CENPP: variants seen among roughly 807,000 people sequenced by gnomAD.
The protein encoded by CENPP is centromere protein P.
In CENPP, 24 loss-of-function variants were observed where a neutral mutation model predicts 35.6. That is an observed-to-expected ratio of 0.67 (90% CI 0.49 to 0.95). The LOEUF is 0.95. Among genes scored for constraint, CENPP ranks in the 40% least tolerant of loss-of-function variants. The pLI is 0.00. For synonymous variants in CENPP, 120 were observed against 125.5 expected (o/e 0.96, Z 0.29); for missense variants, 332 against 345.3 (o/e 0.96, Z 0.31).
intron 5 of CENPP, chr9:92,464,948 G>C: frequency 1.2e-6 from 2 of 1,613,466 alleles, no homozygotes; most frequent in East Asian, 2.2e-5. Context: ...TTTTGCTTCT[G>C]CAATTCTGAT....
chr9:92,532,034 A>ATTTTTTTTTTTTTTTTTTTTTTTT (rs58499748), intron 5 of CENPP, among the ~76,000 whole-genome samples: 16 of 98,246 alleles, frequency 1.6e-4, no homozygotes, highest in African/African-American at 3.4e-4. Flanking sequence ...TTTTTATTTT[A>ATTTTTTTTTTTTTTTTTTTTTTTT]TTTTTTTTTT....
chr9:92,593,908 G>A lies in CENPP; in HGVS notation c.565-17406G>A, dbSNP rs1416021193. Among the ~76,000 whole-genome samples, 2 of 152,158 alleles carry A rather than the reference G, an allele frequency of 1.3e-5. No individual in the cohort carries two copies. The highest frequency in any genetic ancestry group is 6.5e-5 in the Admixed American group (1 of 15,278). On this transcript the variant is annotated intron_variant, in intron 5 of 7. Transcript: ENST00000375587. The surrounding 1 kb of genome is among the most constrained non-coding windows in gnomAD (Gnocchi z 4.1). ...AGGTACACTTTGCTACCTTTCTCAC[G>A]AATCTCAAAGGTAATATGATATCCT...
chr9:92,390,198 A>G (rs1259627788), intron 5 of CENPP: 3 of 573,444 alleles, frequency 5.2e-6, no homozygotes, highest in Non-Finnish European at 9.1e-6. Context: ...ATAGCCCAGT[A>G]AAGTTTTGTG....
At chr9:92,332,495 T>C in intron 2 of CENPP, 144 bp downstream of exon 2, 1 of 636,050 alleles carries the variant, frequency 1.6e-6, no homozygotes, top group South Asian at 2.8e-5. Context: ...CTCACATATC[T>C]TTTGAACATC....
At chr9:92,523,980 A>G (rs1848233532) in intron 5 of CENPP, among the ~76,000 whole-genome samples, 1 of 152,250 alleles carries the variant, frequency 6.6e-6, no homozygotes, top group African/African-American at 2.4e-5. Flanking sequence ...ACAAATGAGC[A>G]TGGATGTGTT....
At chr9:92,460,429 T>G (rs766806570) in intron 5 of CENPP, 2 of 1,196,868 alleles carry the variant, frequency 1.7e-6, no homozygotes, top group East Asian at 2.3e-5. Flanking sequence ...CTGTGCACAT[T>G]CTCCAGGAGG....
intron 4 of CENPP, 84 bp downstream of exon 4, chr9:92,345,871 TAGTA>T (rs1394750877): frequency 1.6e-5 from 12 of 772,742 alleles, no homozygotes; most frequent in Admixed American, 4.6e-5. Flanking sequence ...TTCCTCTTCT[TAGTA>T]AGTAAATAGG....
rs1437993830 is a variant in CENPP at position 92,474,826 on chromosome 9, G to A, written c.564+94967G>A. The A allele has an allele frequency of 6.2e-6, 10 of 1,613,624 alleles. No homozygotes were observed. The East Asian group carries it at 8.9e-5, about 14-fold the overall frequency. ...CCTTCAGCATCATATTCTTCAGTGC[G>A]ATGTGTGAAGGGCTAAAGAAGGGTT... On this transcript the variant is annotated intron_variant, in intron 5 of 7. Transcript: ENST00000375587.
In CENPP at chr9:92,525,856, G is replaced by A. The variant is rs566120735; in HGVS notation, c.565-85458G>A. Among the ~76,000 whole-genome samples, 274 of 134,440 alleles carry A rather than the reference G, an allele frequency of 2.0e-3. 1 individual carries two copies. The highest frequency in any genetic ancestry group is 3.1e-3 in the Non-Finnish European group (203 of 65,968). The allele number at this position is 134,440 out of a possible 152,430, so 88.2% of individuals were successfully genotyped here. On this transcript the variant is annotated intron_variant, in intron 5 of 7. Transcript: ENST00000375587. Reference sequence around the variant, plus strand: ...ACTGAGTAGCTAGGACTACAGGTATGCACCACCATGCCCAGAGTGCAGAGA... The same window carrying A: ...ACTGAGTAGCTAGGACTACAGGTATACACCACCATGCCCAGAGTGCAGAGA...
rs773682117 is a variant in CENPP at position 92,613,096 on chromosome 9, G to A, written c.814G>A (p.Glu272Lys). 8.7e-6 allele frequency: 14 copies of A among 1,614,080 alleles called. No individual in the cohort carries two copies. The highest frequency in any genetic ancestry group is 3.3e-5 in the Admixed American group (2 of 60,000). ...FRTLVGLLGIEAALESLIKSL... is the reference protein window; with the variant it reads ...FRTLVGLLGIKAALESLIKSL... ...AACCCTGGTAGGACTGCTTGGAATC[G>A]AAGCTGCTCTGGAAAGCCTGATAAA... is the stretch of plus-strand genomic sequence containing the variant. Residue 272 changes from glutamate (E) to lysine (K), a missense_variant, in exon 8 of 8, where the codon GAA becomes AAA. Coordinates refer to ENST00000375587, the MANE Select transcript of CENPP (RefSeq NM_001012267.3).
intron 5 of CENPP, chr9:92,389,631 T>G (rs1842584697): frequency 2.7e-6 from 1 of 373,220 alleles, no homozygotes. Flanking sequence ...AACAAAATAG[T>G]CCCATGAAAT....
chr9:92,422,119 C>T (rs1356409297), intron 5 of CENPP, among the ~76,000 whole-genome samples: 4 of 151,758 alleles, frequency 2.6e-5, no homozygotes, highest in East Asian at 1.9e-4. Flanking sequence ...GGCACAATCT[C>T]GGCTCACTGC....
chr9:92,391,962 C>T (rs7847929), intron 5 of CENPP, among the ~76,000 whole-genome samples: 72,164 of 151,530 alleles, frequency 0.48, 20,697 homozygotes, highest in African/African-American at 0.81. Context: ...GCAGCATGAA[C>T]CTGGTTATGG....
At chr9:92,559,552 C>A (rs1326676095) in intron 5 of CENPP, among the ~76,000 whole-genome samples, 1 of 152,164 alleles carries the variant, frequency 6.6e-6, no homozygotes, top group East Asian at 1.9e-4. Context: ...TTTATTCTTG[C>A]AGTCGATCTG....
At position 92,346,859 on chromosome 9, in the gene CENPP, C is replaced by A. The variant is rs558104769; in HGVS notation, c.467+1072C>A. ...ATTAGAGGTCATTCACAGGGGATAA[C>A]TCTTTGATTATGGTGGTCCCGTCTG... On this transcript the variant is annotated intron_variant, in intron 4 of 7. Transcript: ENST00000375587. Among the ~76,000 whole-genome samples the A allele has an allele frequency of 2.6e-5, 4 of 152,230 alleles. 1 individual carries two copies. In the South Asian group the frequency reaches 8.3e-4, roughly 32 times the overall value.
intron 5 of CENPP, among the ~76,000 whole-genome samples, chr9:92,405,940 G>A (rs1843291684): frequency 6.6e-6 from 1 of 152,178 alleles, no homozygotes. Context: ...CTTCCCTCAA[G>A]GAAGATTTAT....
chr9:92,352,505 G>GTGTGTGTATATATATATATATA, intron 4 of CENPP, among the ~76,000 whole-genome samples: 8 of 49,750 alleles, frequency 1.6e-4, no homozygotes, highest in African/African-American at 1.1e-3. Flanking sequence ...GTGTGTGTGT[G>GTGTGTGTATATATATATATATA]TATACATATA....
chr9:92,389,813 C>G, intron 5 of CENPP: 1 of 1,319,882 alleles, frequency 7.6e-7, no homozygotes, highest in African/African-American at 1.5e-5. Flanking sequence ...TCTATCATAT[C>G]ATCACTCATA....
At chr9:92,360,075 A>G (rs1016902803) in intron 4 of CENPP, among the ~76,000 whole-genome samples, 1 of 152,152 alleles carries the variant, frequency 6.6e-6, no homozygotes, top group Non-Finnish European at 1.5e-5. Context: ...GAATTCTGGT[A>G]CTTCCTATTC....
Sources: gnomAD v4.1 joint callset for allele counts (sites outside exome capture counted in the v4.1 genomes callset) on GRCh38, gnomAD v4.1.1 for gene constraint, Gnocchi (gnomAD v3.1) non-coding constraint, MANE v1.5 for transcripts, NCBI Gene and HGNC (gene_info 2026-07-23, HGNC 2026-07-21) for gene names.